Variants in DPP6 observed in about 807,000 individuals in gnomAD.
DPP6 encodes the protein A-type potassium channel modulatory protein DPP6.
Under a neutral mutation model 122.6 loss-of-function variants are expected in DPP6, and 69 were observed. That is an observed-to-expected ratio of 0.56 (90% CI 0.46 to 0.69). The LOEUF is 0.69. DPP6 is among the 30% of genes least tolerant of loss of function. DPP6 has a pLI of 0.00. For synonymous variants in DPP6, 418 were observed against 433.1 expected (o/e 0.97, Z 0.43); for missense variants, 928 against 1,116.9 (o/e 0.83, Z 2.41).
intron 3 of DPP6, among the ~76,000 whole-genome samples, chr7:154,536,645 G>T (rs893689306): frequency 6.6e-6 from 1 of 152,056 alleles, no homozygotes; most frequent in Non-Finnish European, 1.5e-5. Context: ...CAAACCCTTC[G>T]TGAAGGAAAC....
chr7:154,646,566 G>A (rs1005016524), intron 6 of DPP6, among the ~76,000 whole-genome samples: 20 of 152,076 alleles, frequency 1.3e-4, no homozygotes, highest in Admixed American at 9.2e-4. Context: ...CTTATTTCAC[G>A]CTAGAATTTA....
Position 154,282,477 on chromosome 7 carries a change from C to T in DPP6, c.244-163737C>T, listed in dbSNP as rs1033241556. Among the ~76,000 whole-genome samples the T allele has an allele frequency of 1.2e-4, 18 of 152,194 alleles. No individual in the cohort carries two copies. The highest frequency in any genetic ancestry group is 9.7e-5 in the African/African-American group (4 of 41,448). On this transcript the variant is annotated intron_variant, in intron 1 of 25. Coordinates refer to ENST00000377770, the MANE Select transcript of DPP6 (RefSeq NM_130797.4). This position sits in a 1 kb window ranked among gnomAD's most constrained non-coding sequence, Gnocchi z 4.8. Reference sequence around the variant, plus strand: ...TTTTAGGACCTCCTTTTGTTCCCTACGCCCCTTGGGAGAGTGTGGCACACT... The same window carrying T: ...TTTTAGGACCTCCTTTTGTTCCCTATGCCCCTTGGGAGAGTGTGGCACACT...
chr7:153,795,682 T>C, the DPP6 span, among the ~76,000 whole-genome samples: 1 of 152,162 alleles, frequency 6.6e-6, no homozygotes, highest in South Asian at 2.1e-4. Flanking sequence ...TTTCTTAAGA[T>C]GGAAACCAAG....
At chr7:154,165,934 A>G (rs1343863194) in intron 1 of DPP6, among the ~76,000 whole-genome samples, 1 of 152,238 alleles carries the variant, frequency 6.6e-6, no homozygotes, top group African/African-American at 2.4e-5. Context: ...ATCCTACCAT[A>G]AAACACTCAG....
the DPP6 span, among the ~76,000 whole-genome samples, chr7:153,819,273 TGTTCCC>T: frequency 1.4e-5 from 2 of 140,262 alleles, no homozygotes; most frequent in Non-Finnish European, 3.0e-5. Flanking sequence ...CAGTGTGTGT[TGTTCCC>T]CTCTATGTGT....
chr7:154,058,854 C>T (rs1171727587), intron 1 of DPP6: 2 of 148,836 alleles, frequency 1.3e-5, no homozygotes, highest in Admixed American at 6.7e-5. Context: ...GCTGTTAGTA[C>T]CCCCATCGCA....
At chr7:154,067,826 C>T (rs1802837156) in intron 1 of DPP6, among the ~76,000 whole-genome samples, 1 of 151,956 alleles carries the variant, frequency 6.6e-6, no homozygotes, top group Admixed American at 6.5e-5. Context: ...CTCACTGCAA[C>T]CTCGAACTCC....
intron 1 of DPP6, among the ~76,000 whole-genome samples, chr7:154,124,782 G>A (rs1372530399): frequency 1.3e-5 from 2 of 152,200 alleles, no homozygotes; most frequent in African/African-American, 2.4e-5. Flanking sequence ...GTGCAGGGCC[G>A]GTGAAACTGG....
chr7:154,634,803 A>C (rs1835639263), intron 5 of DPP6, among the ~76,000 whole-genome samples: 4 of 152,144 alleles, frequency 2.6e-5, no homozygotes, highest in Non-Finnish European at 4.4e-5. Flanking sequence ...AGATATCCAC[A>C]GAGCTGAATT....
At chr7:154,809,255 A>C (rs1352302356) in intron 16 of DPP6, among the ~76,000 whole-genome samples, 1 of 148,382 alleles carries the variant, frequency 6.7e-6, no homozygotes, top group Non-Finnish European at 1.5e-5. Context: ...TCTTTTTTTA[A>C]AAAAAAAAAA....
At chr7:154,011,699 A>G (rs1414474428) in intron 1 of DPP6, among the ~76,000 whole-genome samples, 2 of 152,230 alleles carry the variant, frequency 1.3e-5, no homozygotes, top group Admixed American at 1.3e-4. Context: ...CTGTCCAACA[A>G]AAAAAGCGAG....
chr7:154,447,166 C>T (rs1490186866), intron 2 of DPP6, among the ~76,000 whole-genome samples: 1 of 151,952 alleles, frequency 6.6e-6, no homozygotes, highest in East Asian at 1.9e-4. Context: ...ATTAGCCAGG[C>T]GTGGTGGCAA....
intron 1 of DPP6, among the ~76,000 whole-genome samples, chr7:154,237,069 T>C (rs1459503818): frequency 6.6e-6 from 1 of 152,128 alleles, no homozygotes. Context: ...CTAGTGATGG[T>C]TTAAAATCTT....
At chr7:154,885,806 G>T (rs1187256355) in intron 22 of DPP6, 62 bp downstream of exon 22, 1 of 1,539,832 alleles carries the variant, frequency 6.5e-7, no homozygotes. Context: ...CCCCCTGCCT[G>T]CGTGGCCCCA....
At chr7:154,299,627 A>G (rs748239042) in intron 1 of DPP6, among the ~76,000 whole-genome samples, 11 of 152,212 alleles carry the variant, frequency 7.2e-5, no homozygotes, top group Non-Finnish European at 1.5e-4. Flanking sequence ...ATTGTAAGTT[A>G]GAAGAAGTGA....
chr7:154,709,058 T>A (rs9719103), intron 7 of DPP6, among the ~76,000 whole-genome samples: 30 of 127,742 alleles, frequency 2.3e-4, no homozygotes, highest in African/African-American at 5.6e-4. Context: ...AAAAAATAAA[T>A]AAAAATAAAA....
At chr7:154,404,179 G>A (rs1055673944) in intron 1 of DPP6, among the ~76,000 whole-genome samples, 2 of 152,148 alleles carry the variant, frequency 1.3e-5, no homozygotes, top group African/African-American at 4.8e-5. Flanking sequence ...AATCAAAGCC[G>A]CTGTCTAATC....
chr7:154,585,408 C>A (rs1427906870), intron 5 of DPP6, among the ~76,000 whole-genome samples: 2 of 152,186 alleles, frequency 1.3e-5, no homozygotes, highest in African/African-American at 4.8e-5. Flanking sequence ...AGTGCCCACC[C>A]TTAGAAAGTC....
intron 5 of DPP6, among the ~76,000 whole-genome samples, chr7:154,590,095 C>T (rs1475800647): frequency 6.6e-6 from 1 of 152,124 alleles, no homozygotes; most frequent in Non-Finnish European, 1.5e-5. Flanking sequence ...CCACCTGTTT[C>T]CCAGTTGGGA....
Sources: gnomAD v4.1 joint callset for allele counts (sites outside exome capture counted in the v4.1 genomes callset) on GRCh38, gnomAD v4.1.1 for gene constraint, Gnocchi (gnomAD v3.1) non-coding constraint, MANE v1.5 for transcripts, NCBI Gene and HGNC (gene_info 2026-07-23, HGNC 2026-07-21) for gene names.